Variants in PDE1C observed in about 807,000 individuals in gnomAD.
PDE1C encodes the protein dual specificity calcium/calmodulin-dependent 3',5'-cyclic nucleotide phosphodiesterase 1C.
PDE1C carries 62 observed loss-of-function variants against 93.1 expected under a neutral mutation model. That is an observed-to-expected ratio of 0.67 (90% CI 0.54 to 0.82). The LOEUF (loss-of-function observed/expected upper bound fraction) is 0.82. Ranked by LOEUF, PDE1C falls within the 40% of genes least tolerant of loss-of-function variation. PDE1C has a pLI of 0.00. For missense variants in PDE1C, 742 were observed against 884.6 expected (o/e 0.84, Z 2.04); for synonymous variants, 325 against 310.1 (o/e 1.05, Z -0.50).
chr7:32,357,407 A>G (rs1784052658), intron 1 of PDE1C, among the ~76,000 whole-genome samples: 1 of 152,176 alleles, frequency 6.6e-6, no homozygotes, highest in African/African-American at 2.4e-5. Flanking sequence ...ATAAAATAAA[A>G]CACATTTGAA....
chr7:32,170,017 C>T, intron 2 of PDE1C: 1 of 1,422,354 alleles, frequency 7.0e-7, no homozygotes, highest in South Asian at 1.3e-5. Context: ...CCATGTCCTG[C>T]CTTCCCCAAC....
chr7:31,692,572 G>T, the PDE1C span: 2 of 1,524,190 alleles, frequency 1.3e-6, no homozygotes, highest in African/African-American at 1.4e-5. Context: ...TCAGAGAAGA[G>T]GCGTCTCAGC....
intron 1 of PDE1C, among the ~76,000 whole-genome samples, chr7:32,223,117 T>C (rs1806995541): frequency 6.6e-6 from 1 of 152,226 alleles, no homozygotes. Context: ...GTGTTTCTCC[T>C]AGTGTTCAAA....
At chr7:32,355,011 C>T (rs1409366415) in intron 1 of PDE1C, among the ~76,000 whole-genome samples, 1 of 152,176 alleles carries the variant, frequency 6.6e-6, no homozygotes, top group Admixed American at 6.5e-5. Flanking sequence ...GGCACCTGGT[C>T]GCTTCTCTCA....
intron 1 of PDE1C, among the ~76,000 whole-genome samples, chr7:32,219,379 T>C (rs1044441295): frequency 1.3e-5 from 2 of 152,174 alleles, no homozygotes; most frequent in Non-Finnish European, 2.9e-5. Flanking sequence ...AGTTTTTTTA[T>C]TGGAGGAGGG....
chr7:32,419,815 T>C (rs1409882832), intron 1 of PDE1C, among the ~76,000 whole-genome samples: 1 of 151,716 alleles, frequency 6.6e-6, no homozygotes. Context: ...AGTGCGGAGA[T>C]GTAAGATGCA....
rs781648721 is a variant in PDE1C, at chr7:31,863,214, T to C, written c.750+1728A>G. ...TTTGAGGCTCTTTATAGGTGATTTA[T>C]ATACTTTTTAAAAACTGCTGGGAAT... is the stretch of plus-strand genomic sequence containing the variant. On this transcript the variant is annotated intron_variant, in intron 7 of 17. Coordinates refer to ENST00000396191, the MANE Select transcript of PDE1C (RefSeq NM_001191057.4). 1.2e-3 allele frequency among the ~76,000 whole-genome samples: 183 copies of C among 152,332 alleles called. 2 individuals are homozygous for C. In the Middle Eastern group the frequency reaches 0.017, roughly 14 times the overall value.
rs1370365101 is a variant in PDE1C at position 32,086,023 on chromosome 7, G to C, written c.308+83762C>G. On this transcript the variant is annotated intron_variant, in intron 3 of 18. Transcript: ENST00000396193. ...GGCCAGGGCAATCAGGCAGGAGAAG[G>C]AAATAAAGGGTATTCAATTAGGAAA... is the stretch of plus-strand genomic sequence containing the variant. Among the ~76,000 whole-genome samples the C allele has an allele frequency of 2.0e-5, 3 of 151,854 alleles. No individual in the cohort carries two copies. In the East Asian group the frequency reaches 5.8e-4, roughly 29 times the overall value.
the PDE1C span, among the ~76,000 whole-genome samples, chr7:31,669,378 A>G: frequency 6.6e-6 from 1 of 152,204 alleles, no homozygotes; most frequent in Admixed American, 6.5e-5. Context: ...CCTAAACAAG[A>G]TATACAAAAA....
intron 3 of PDE1C, among the ~76,000 whole-genome samples, chr7:32,105,084 T>C (rs1323378583): frequency 1.3e-5 from 2 of 152,196 alleles, no homozygotes; most frequent in African/African-American, 2.4e-5. Flanking sequence ...GATCTCAGCA[T>C]GCTCAAAAAT....
intron 2 of PDE1C, among the ~76,000 whole-genome samples, chr7:31,925,928 A>G (rs536716223): frequency 1.4e-4 from 22 of 152,248 alleles, no homozygotes; most frequent in African/African-American, 5.3e-4. Flanking sequence ...ATTTCCATGT[A>G]TGCATATGTG....
chr7:32,226,278 C>T lies in PDE1C; in HGVS notation c.86-16739G>A, dbSNP rs552860390. On this transcript the variant is annotated intron_variant, in intron 1 of 18. Coordinates refer to the PDE1C transcript ENST00000396193. Reference sequence around the variant, plus strand: ...CTCCTACAAAACAACTGTACGGTACCTGCCCTATGGATCACACAGCATTGA... The same window carrying T: ...CTCCTACAAAACAACTGTACGGTACTTGCCCTATGGATCACACAGCATTGA... Among the ~76,000 whole-genome samples the T allele has an allele frequency of 2.1e-3, 322 of 152,252 alleles. 1 individual carries two copies. The highest frequency in any genetic ancestry group is 6.8e-3 in the Middle Eastern group (2 of 294).
At chr7:31,934,295 A>G (rs1804722085) in intron 2 of PDE1C, among the ~76,000 whole-genome samples, 1 of 152,206 alleles carries the variant, frequency 6.6e-6, no homozygotes, top group African/African-American at 2.4e-5. Flanking sequence ...AAAATGATTC[A>G]GTTTTTTAAA....
intron 12 of PDE1C, 135 bp from the exon 13 acceptor site, chr7:31,825,122 C>A: frequency 8.9e-7 from 1 of 1,120,080 alleles, no homozygotes; most frequent in Non-Finnish European, 1.3e-6. Context: ...TGTATGTATT[C>A]CTTGATTTGA....
chr7:31,658,425 C>A, the PDE1C span: 1 of 1,473,080 alleles, frequency 6.8e-7, no homozygotes, highest in South Asian at 1.4e-5. Context: ...TAATCAGTTT[C>A]CAGAGTATAA....
chr7:32,428,162 G>C (rs1785577461), upstream of PDE1C: 1 of 152,382 alleles, frequency 6.6e-6, no homozygotes, highest in African/African-American at 2.4e-5. Context: ...CCAGGTGAGC[G>C]GCCCTGGCTC....
At chr7:31,843,129 AT>A (rs1792125459) in intron 9 of PDE1C, among the ~76,000 whole-genome samples, 2 of 151,980 alleles carry the variant, frequency 1.3e-5, no homozygotes, top group Non-Finnish European at 2.9e-5. Flanking sequence ...ATTAAAACTT[AT>A]TTTAAAATGT....
At chr7:31,642,070 A>G in the PDE1C span, 1 of 614,502 alleles carries the variant, frequency 1.6e-6, no homozygotes, top group Non-Finnish European at 2.7e-6. Context: ...CACAGTGGGC[A>G]TTTCTGCAGG....
chr7:31,802,484 T>G (rs1786189482), intron 16 of PDE1C, among the ~76,000 whole-genome samples: 1 of 151,716 alleles, frequency 6.6e-6, no homozygotes, highest in South Asian at 2.1e-4. Context: ...AAATCGTATA[T>G]ATTTACCTAT....
Sources: gnomAD v4.1 joint callset for allele counts (sites outside exome capture counted in the v4.1 genomes callset) on GRCh38, gnomAD v4.1.1 for gene constraint, MANE v1.5 for transcripts, NCBI Gene and HGNC (gene_info 2026-07-23, HGNC 2026-07-21) for gene names.